ADAMTSL3: variants seen among roughly 807,000 people sequenced by gnomAD.
ADAMTSL3 encodes the protein ADAMTS like 3.
A neutral mutation model predicts 201.7 loss-of-function variants in ADAMTSL3; 128 were observed. The ratio of observed to expected loss-of-function variants is 0.63; its 90% CI spans 0.55 to 0.73. ADAMTSL3 has a LOEUF of 0.73. Among genes scored for constraint, ADAMTSL3 ranks in the 30% least tolerant of loss-of-function variants. ADAMTSL3 has a pLI of 0.00. For missense variants in ADAMTSL3, 1,990 were observed against 2,119.6 expected, an observed-to-expected ratio of 0.94 and a Z score of 1.20; for synonymous variants, 738 against 748.4, an observed-to-expected ratio of 0.99 and a Z score of 0.23.
At chr15:83,972,570 A>T (rs2067216051) in intron 20 of ADAMTSL3, among the ~76,000 whole-genome samples, 1 of 152,224 alleles carries the variant, frequency 6.6e-6, no homozygotes, top group Non-Finnish European at 1.5e-5. Context: ...AATGTGGTAC[A>T]AGATGAAATT....
chr15:83,762,799 T>C (rs2062828595), intron 3 of ADAMTSL3, among the ~76,000 whole-genome samples: 1 of 152,270 alleles, frequency 6.6e-6, no homozygotes, highest in Non-Finnish European at 1.5e-5. Context: ...GTTGTATGTA[T>C]GCTTCTTACT....
At chr15:83,971,569 AAAAAAAAAG>A (rs2067196358) in intron 20 of ADAMTSL3, among the ~76,000 whole-genome samples, 1 of 147,380 alleles carries the variant, frequency 6.8e-6, no homozygotes, top group African/African-American at 2.4e-5. Context: ...AAAAAAAAAA[AAAAAAAAAG>A]AAAGAAAGAA....
intron 21 of ADAMTSL3, among the ~76,000 whole-genome samples, chr15:83,988,421 C>A (rs549265910): frequency 6.6e-6 from 1 of 152,240 alleles, no homozygotes; most frequent in Admixed American, 6.5e-5. Flanking sequence ...CCAGAAAAGT[C>A]TTTTCTCATG....
At chr15:83,869,101 T>C (rs1300216909) in intron 8 of ADAMTSL3, among the ~76,000 whole-genome samples, 1 of 152,212 alleles carries the variant, frequency 6.6e-6, no homozygotes, top group Non-Finnish European at 1.5e-5. Context: ...AATCAAGTCA[T>C]TTCAGGCTAA....
intron 23 of ADAMTSL3, among the ~76,000 whole-genome samples, chr15:84,006,272 A>G (rs1472362129): frequency 6.6e-6 from 1 of 152,224 alleles, no homozygotes; most frequent in Non-Finnish European, 1.5e-5. Context: ...CCCCAGAGAT[A>G]ACTGATGGTA....
intron 29 of ADAMTSL3, 102 bp from the exon 30 acceptor site, chr15:84,037,598 C>A: frequency 7.4e-7 from 1 of 1,348,048 alleles, no homozygotes; most frequent in Non-Finnish European, 1.0e-6. Context: ...GTTTCTTCAC[C>A]TCACTCTGTG....
chr15:83,658,256 A>C (rs1017364525), intron 2 of ADAMTSL3, among the ~76,000 whole-genome samples: 1 of 152,048 alleles, frequency 6.6e-6, no homozygotes, highest in Non-Finnish European at 1.5e-5. Flanking sequence ...CTACAGGCGC[A>C]CACTACCACA....
At chr15:83,821,700 C>A (rs2141916196) in intron 6 of ADAMTSL3, among the ~76,000 whole-genome samples, 1 of 152,360 alleles carries the variant, frequency 6.6e-6, no homozygotes, top group Admixed American at 6.5e-5. Flanking sequence ...CCTTTCCCCA[C>A]TTTCTATTCC....
intron 4 of ADAMTSL3, among the ~76,000 whole-genome samples, chr15:83,788,109 T>G (rs1200741607): frequency 6.6e-6 from 1 of 152,214 alleles, no homozygotes. Context: ...ATTACCTTGC[T>G]TTTTTATTTG....
intron 5 of ADAMTSL3, among the ~76,000 whole-genome samples, chr15:83,813,567 G>A (rs910756865): frequency 1.3e-5 from 2 of 152,140 alleles, no homozygotes; most frequent in African/African-American, 2.4e-5. Context: ...TGGCAGGAGC[G>A]GAAGACATAT....
intron 23 of ADAMTSL3, among the ~76,000 whole-genome samples, chr15:84,005,166 A>T (rs886086358): frequency 6.6e-6 from 1 of 152,220 alleles, no homozygotes; most frequent in African/African-American, 2.4e-5. Flanking sequence ...TGTCACCCCA[A>T]GACACCAGCA....
intron 3 of ADAMTSL3, among the ~76,000 whole-genome samples, chr15:83,767,891 A>G (rs2062918704): frequency 1.3e-5 from 2 of 152,228 alleles, no homozygotes; most frequent in African/African-American, 4.8e-5. Context: ...ATATGCATTA[A>G]TGGAATGCTG....
chr15:83,864,536 A>G (rs1186158407), intron 8 of ADAMTSL3, among the ~76,000 whole-genome samples: 1 of 152,250 alleles, frequency 6.6e-6, no homozygotes, highest in Non-Finnish European at 1.5e-5. Context: ...CAATAGATGC[A>G]GAAAAAGCCT....
chr15:83,920,679 C>T (rs2066125057), intron 16 of ADAMTSL3, among the ~76,000 whole-genome samples: 1 of 152,138 alleles, frequency 6.6e-6, no homozygotes, highest in Non-Finnish European at 1.5e-5. Flanking sequence ...TATAATATAG[C>T]ATTATACGTG....
intron 7 of ADAMTSL3, among the ~76,000 whole-genome samples, chr15:83,845,302 T>C (rs1567184881): frequency 6.6e-6 from 1 of 152,258 alleles, no homozygotes; most frequent in Non-Finnish European, 1.5e-5. Flanking sequence ...ATGTCTATGA[T>C]GTCCACCATT....
chr15:83,872,586 A>G (rs2065100889), intron 9 of ADAMTSL3, among the ~76,000 whole-genome samples: 1 of 138,452 alleles, frequency 7.2e-6, no homozygotes. Context: ...ATTCTCAAGT[A>G]GAAAATATAC....
At chr15:83,834,872 A>G (rs1215453933) in intron 6 of ADAMTSL3, among the ~76,000 whole-genome samples, 1 of 152,220 alleles carries the variant, frequency 6.6e-6, no homozygotes, top group Non-Finnish European at 1.5e-5. Flanking sequence ...ATAAATCACT[A>G]TAATTAGAGA....
At chr15:83,749,335 A>G (rs2062601279) in intron 3 of ADAMTSL3, among the ~76,000 whole-genome samples, 1 of 152,158 alleles carries the variant, frequency 6.6e-6, no homozygotes, top group Non-Finnish European at 1.5e-5. Context: ...CAACCACCGA[A>G]AAGACTGATG....
At chr15:83,824,910 G>A (rs2063988181) in intron 6 of ADAMTSL3, 1 of 152,066 alleles carries the variant, frequency 6.6e-6, no homozygotes, top group Non-Finnish European at 1.5e-5. Flanking sequence ...TGGCGCAGGG[G>A]CCATGCTAAT....
Sources: gnomAD v4.1 joint callset for allele counts (sites outside exome capture counted in the v4.1 genomes callset) on GRCh38, gnomAD v4.1.1 for gene constraint, MANE v1.5 for transcripts, NCBI Gene and HGNC (gene_info 2026-07-23, HGNC 2026-07-21) for gene names.